Variants in CSPP1 observed in about 807,000 individuals in gnomAD.
CSPP1 encodes the protein centrosome and spindle pole associated protein 1.
Under a neutral mutation model 164.4 loss-of-function variants are expected in CSPP1, and 126 were observed. That is an observed-to-expected ratio of 0.77 (90% CI 0.66 to 0.89). The LOEUF (loss-of-function observed/expected upper bound fraction) is 0.89. Ranked by LOEUF, CSPP1 falls within the 40% of genes least tolerant of loss-of-function variation. The pLI, the probability that CSPP1 is intolerant of heterozygous loss-of-function variation, is 0.00. For missense variants in CSPP1, 1,395 were observed against 1,449.8 expected (o/e 0.96, Z 0.61); for synonymous variants, 472 against 476.7 (o/e 0.99, Z 0.13).
chr8:67,193,129 CT>C (rs995747695), intron 29 of CSPP1, among the ~76,000 whole-genome samples: 4 of 151,258 alleles, frequency 2.6e-5, no homozygotes, highest in Admixed American at 6.6e-5. Context: ...TGGTTTTTTT[CT>C]TTTTTTTTGA....
chr8:67,187,574 T>C, intron 28 of CSPP1, among the ~76,000 whole-genome samples: 1 of 151,966 alleles, frequency 6.6e-6, no homozygotes, highest in Non-Finnish European at 1.5e-5. Context: ...GTCCTAGCTA[T>C]TTGGGAGGCT....
intron 15 of CSPP1, among the ~76,000 whole-genome samples, chr8:67,131,663 CAT>C: frequency 6.6e-6 from 1 of 152,270 alleles, no homozygotes; most frequent in South Asian, 2.1e-4. Flanking sequence ...CCGCCTAAGT[CAT>C]ATGTGTACTG....
At chr8:67,111,828 A>G in intron 9 of CSPP1, 144 bp from the exon 10 acceptor site, 1 of 488,006 alleles carries the variant, frequency 2.0e-6, no homozygotes, top group East Asian at 3.4e-5. Context: ...AGAAGGACTG[A>G]TTCATGTGAT....
At chr8:67,150,199 T>A (rs182997935) in intron 18 of CSPP1, among the ~76,000 whole-genome samples, 10 of 152,314 alleles carry the variant, frequency 6.6e-5, no homozygotes, top group African/African-American at 2.2e-4. Context: ...CTAACATTTT[T>A]ATTTTGCTAG....
rs1166942688 is a variant in CSPP1 at position 67,159,998 on chromosome 8, TTTC to T, written c.2538+864_2538+866del. Among the ~76,000 whole-genome samples the T allele has an allele frequency of 1.2e-3, 116 of 94,536 alleles. 11 individuals carry two copies. The highest frequency in any genetic ancestry group is 7.0e-3 in the African/African-American group (113 of 16,110). The allele number at this position is 94,536 out of a possible 152,430, so 62.0% of individuals were successfully genotyped here. On this transcript the variant is annotated intron_variant, in intron 21 of 30. Coordinates refer to ENST00000678616, the MANE Select transcript of CSPP1 (RefSeq NM_001382391.1). Reference sequence around the variant, plus strand: ...TTTCTTTTCTTTTCTTTTCTTTTCTTTTCTTTTCTTTTCTTTTCTTTTCTTTTC... The same window carrying T: ...TTTCTTTTCTTTTCTTTTCTTTTCTTTTTTCTTTTCTTTTCTTTTCTTTTC...
chr8:67,180,588 C>A (rs1832772058), intron 28 of CSPP1, among the ~76,000 whole-genome samples: 1 of 151,998 alleles, frequency 6.6e-6, no homozygotes, highest in Non-Finnish European at 1.5e-5. Flanking sequence ...TAAAAACACA[C>A]AAATGAGTAT....
intron 1 of CSPP1, chr8:67,065,508 A>G: frequency 2.0e-6 from 2 of 979,696 alleles, no homozygotes; most frequent in Non-Finnish European, 2.4e-6. Context: ...ATGACTTGTA[A>G]TGTTGACAAG....
At chr8:67,184,041 C>T (rs1312544420) in intron 28 of CSPP1, among the ~76,000 whole-genome samples, 1 of 151,736 alleles carries the variant, frequency 6.6e-6, no homozygotes, top group Non-Finnish European at 1.5e-5. Context: ...TTAGTAGAGA[C>T]GGGGTTTCAC....
intron 8 of CSPP1, among the ~76,000 whole-genome samples, chr8:67,105,264 G>C (rs948341369): frequency 4.0e-5 from 6 of 151,058 alleles, no homozygotes; most frequent in Admixed American, 4.0e-4. Flanking sequence ...GACCTCAAGC[G>C]ATCTGCCTGC....
chr8:67,187,243 A>G (rs1834933440), intron 28 of CSPP1, among the ~76,000 whole-genome samples: 2 of 152,228 alleles, frequency 1.3e-5, no homozygotes, highest in African/African-American at 4.8e-5. Context: ...TGGAAAGGCA[A>G]AAGATCCAGA....
chr8:67,116,240 T>A, intron 13 of CSPP1, 118 bp downstream of exon 13: 2 of 680,002 alleles, frequency 2.9e-6, no homozygotes. Flanking sequence ...CAGTTAACAG[T>A]TTTGTGAAAT....
chr8:67,118,245 C>G lies in CSPP1; in HGVS notation c.1497-3C>G. 1.2e-6 allele frequency: 2 copies of G among 1,612,054 alleles called. No individual in the cohort carries two copies. Among genetic ancestry groups the G allele is most frequent in the Non-Finnish European group, 1.7e-6 (2 of 1,179,058 alleles). The stretch of plus-strand genomic sequence containing the variant: ...GGAATTTTTCATCTTTCTTTTCATA[C>G]AGGATTGCACCTCTGCCTCCACCTC... On this transcript the variant is annotated splice_region_variant and splice_polypyrimidine_tract_variant and intron_variant, in intron 13 of 30. Coordinates refer to ENST00000678616, the MANE Select transcript of CSPP1 (RefSeq NM_001382391.1).
At chr8:67,101,742 C>T (rs1372140186) in intron 7 of CSPP1, among the ~76,000 whole-genome samples, 2 of 152,130 alleles carry the variant, frequency 1.3e-5, no homozygotes, top group Admixed American at 6.5e-5. Flanking sequence ...ATTTTATATG[C>T]TGGTTCTGTG....
At chr8:67,085,708 AG>A (rs1225384753) in intron 3 of CSPP1, among the ~76,000 whole-genome samples, 1 of 152,148 alleles carries the variant, frequency 6.6e-6, no homozygotes, top group Non-Finnish European at 1.5e-5. Context: ...ATAATATAAA[AG>A]TATCTGTTTA....
At chr8:67,110,107 A>G (rs1816537669) in intron 9 of CSPP1, among the ~76,000 whole-genome samples, 1 of 151,246 alleles carries the variant, frequency 6.6e-6, no homozygotes, top group South Asian at 2.1e-4. Flanking sequence ...CACTAATTAG[A>G]CAAAGAACAA....
At position 67,195,717 on chromosome 8, in the gene CSPP1, A is replaced by AAAT; in HGVS notation, c.*125_*127dup. ...ACTTTTTTTCCATCATCTGTATATA[A>AAAT]AATTATTTTTATCATGATGTATATT... On this transcript the variant is annotated 3_prime_UTR_variant, in exon 31 of 31. Coordinates refer to ENST00000678616, the MANE Select transcript of CSPP1 (RefSeq NM_001382391.1). 3 of 692,900 alleles carry AAAT rather than the reference A, an allele frequency of 4.3e-6. No homozygotes were observed. The South Asian group carries it at 5.8e-5, about 13-fold the overall frequency. The allele number at this position is 692,900 out of a possible 1,614,324, so 42.9% of individuals were successfully genotyped here. A position where few individuals can be genotyped will look rare whatever the true frequency, so the allele number is the denominator to read the frequency against.
chr8:67,172,308 A>G (rs1031837078), intron 24 of CSPP1, 108 bp from the exon 25 acceptor site: 1 of 799,612 alleles, frequency 1.3e-6, no homozygotes, highest in East Asian at 2.5e-5. Flanking sequence ...GTAATTTTTT[A>G]ATAATATGAT....
At chr8:67,184,381 G>A (rs1833848602) in intron 28 of CSPP1, among the ~76,000 whole-genome samples, 1 of 152,156 alleles carries the variant, frequency 6.6e-6, no homozygotes, top group Admixed American at 6.5e-5. Context: ...TTATTTCTGA[G>A]AAGATCAGTA....
chr8:67,159,966 C>CTTTTCTTTTCTTTTCTTTTCTTTTA (rs1827854001), intron 21 of CSPP1, among the ~76,000 whole-genome samples: 1 of 41,336 alleles, frequency 2.4e-5, no homozygotes, highest in African/African-American at 1.7e-4. Flanking sequence ...TCTTTCTTTT[C>CTTTTCTTTTCTTTTCTTTTCTTTTA]TTTTCTTTTC....
Sources: gnomAD v4.1 joint callset for allele counts (sites outside exome capture counted in the v4.1 genomes callset) on GRCh38, gnomAD v4.1.1 for gene constraint, MANE v1.5 for transcripts, NCBI Gene and HGNC (gene_info 2026-07-23, HGNC 2026-07-21) for gene names.